ROBO2: variants seen among roughly 807,000 people sequenced by gnomAD.
The protein encoded by ROBO2 is roundabout homolog 2.
ROBO2 carries 53 observed loss-of-function variants against 160.8 expected under a neutral mutation model. The ratio of observed to expected loss-of-function variants is 0.33; its 90% CI spans 0.26 to 0.41. The LOEUF (loss-of-function observed/expected upper bound fraction) is 0.41. Ranked by LOEUF, ROBO2 falls within the 10% of genes least tolerant of loss-of-function variation. The probability of loss-of-function intolerance (pLI) is 1.00; values close to 1 mark genes in which losing one functional copy is unlikely to be tolerated. For missense variants in ROBO2, 1,577 were observed against 1,722.4 expected, an observed-to-expected ratio of 0.92 and a Z score of 1.49; for synonymous variants, 664 against 611.7, an observed-to-expected ratio of 1.09 and a Z score of -1.26.
intron 2 of ROBO2, among the ~76,000 whole-genome samples, chr3:76,603,587 T>A (rs2087409345): frequency 2.6e-5 from 4 of 151,938 alleles, no homozygotes; most frequent in Admixed American, 1.3e-4. Flanking sequence ...TTGAAGTTTT[T>A]TTTCCAAAAT....
At chr3:77,350,145 A>ATG (rs1284041410) in intron 2 of ROBO2, among the ~76,000 whole-genome samples, 1 of 151,666 alleles carries the variant, frequency 6.6e-6, no homozygotes, top group African/African-American at 2.4e-5. Flanking sequence ...GCAGTGGCTC[A>ATG]TGCCTGTAAT....
chr3:76,570,342 T>C, intron 2 of ROBO2, among the ~76,000 whole-genome samples: 1 of 152,168 alleles, frequency 6.6e-6, no homozygotes, highest in Non-Finnish European at 1.5e-5. Flanking sequence ...TGTGGCATAC[T>C]TAAAACAGAG....
chr3:76,141,943 C>T (rs918010285), intron 2 of ROBO2, among the ~76,000 whole-genome samples: 12 of 151,888 alleles, frequency 7.9e-5, no homozygotes, highest in Non-Finnish European at 1.5e-4. Context: ...CACTAATGCA[C>T]ATTAGTTAAA....
chr3:77,433,374 T>C (rs2078971082), intron 2 of ROBO2, among the ~76,000 whole-genome samples: 1 of 151,360 alleles, frequency 6.6e-6, no homozygotes, highest in South Asian at 2.1e-4. Context: ...TATTATTCTA[T>C]GTTATGCTGT....
intron 2 of ROBO2, among the ~76,000 whole-genome samples, chr3:76,243,215 G>T (rs995914421): frequency 6.6e-6 from 1 of 152,038 alleles, no homozygotes; most frequent in Non-Finnish European, 1.5e-5. Context: ...CCCATTACAT[G>T]TCACTTCTGA....
At chr3:76,785,965 A>C (rs538846956) in intron 2 of ROBO2, among the ~76,000 whole-genome samples, 155 of 151,446 alleles carry the variant, frequency 1.0e-3, no homozygotes, top group African/African-American at 3.4e-3. Context: ...AATGGGAAAG[A>C]CATCCAACTG....
At chr3:76,147,881 C>T (rs1225991581) in intron 2 of ROBO2, among the ~76,000 whole-genome samples, 1 of 152,016 alleles carries the variant, frequency 6.6e-6, no homozygotes, top group Non-Finnish European at 1.5e-5. Context: ...TCAGTAGTTT[C>T]ACTGGTATGT....
chr3:77,103,693 T>C (rs2072374653), intron 2 of ROBO2, among the ~76,000 whole-genome samples: 1 of 152,220 alleles, frequency 6.6e-6, no homozygotes, highest in Non-Finnish European at 1.5e-5. Context: ...AAGAAGGTCT[T>C]GCATTATTTA....
At chr3:75,970,148 G>A (rs995080767) in intron 2 of ROBO2, among the ~76,000 whole-genome samples, 1 of 151,218 alleles carries the variant, frequency 6.6e-6, no homozygotes, top group East Asian at 2.0e-4. Flanking sequence ...ACCCCTCTTT[G>A]CCCCAATTTT....
chr3:76,737,759 C>A (rs2093737307), intron 2 of ROBO2, among the ~76,000 whole-genome samples: 1 of 152,098 alleles, frequency 6.6e-6, no homozygotes, highest in African/African-American at 2.4e-5. Flanking sequence ...TCAGGTAAAC[C>A]CTCCTGTAAA....
At chr3:76,769,312 A>T (rs144596275) in intron 2 of ROBO2, among the ~76,000 whole-genome samples, 576 of 151,434 alleles carry the variant, frequency 3.8e-3, no homozygotes, top group Non-Finnish European at 6.0e-3. Flanking sequence ...GATTAAGTAG[A>T]TCTAGAGTGG....
At chr3:77,241,904 C>T (rs1164172285) in intron 2 of ROBO2, among the ~76,000 whole-genome samples, 3 of 152,148 alleles carry the variant, frequency 2.0e-5, no homozygotes, top group African/African-American at 7.2e-5. Flanking sequence ...AAGTCGGAAG[C>T]TTTGACCATT....
chr3:76,741,271 T>G (rs2093797627), intron 2 of ROBO2, among the ~76,000 whole-genome samples: 1 of 151,490 alleles, frequency 6.6e-6, no homozygotes, highest in African/African-American at 2.4e-5. Flanking sequence ...AAAAAGAAAT[T>G]AAAATAAATT....
chr3:77,289,613 G>T (rs1251664437), intron 2 of ROBO2, among the ~76,000 whole-genome samples: 6 of 151,696 alleles, frequency 4.0e-5, no homozygotes, highest in African/African-American at 1.5e-4. Flanking sequence ...AAAATTGACG[G>T]TTAAACGGGT....
At chr3:76,147,174 A>G (rs1217273553) in intron 2 of ROBO2, among the ~76,000 whole-genome samples, 1 of 151,878 alleles carries the variant, frequency 6.6e-6, no homozygotes, top group African/African-American at 2.4e-5. Flanking sequence ...AAATAATAAA[A>G]ATTGAGTAGA....
chr3:77,043,619 T>C (rs1210434965), intron 1 of ROBO2, among the ~76,000 whole-genome samples: 1 of 152,214 alleles, frequency 6.6e-6, no homozygotes, highest in African/African-American at 2.4e-5. Context: ...CTTTTCTGTA[T>C]GATCATATAG....
chr3:76,330,047 CTA>C (rs2073363733), intron 2 of ROBO2, among the ~76,000 whole-genome samples: 1 of 152,236 alleles, frequency 6.6e-6, no homozygotes, highest in African/African-American at 2.4e-5. Flanking sequence ...TTTACTGTAT[CTA>C]TGTGGGTTTT....
At chr3:77,243,909 C>A (rs1476858447) in intron 2 of ROBO2, among the ~76,000 whole-genome samples, 3 of 152,160 alleles carry the variant, frequency 2.0e-5, no homozygotes, top group Non-Finnish European at 4.4e-5. Context: ...ACCCTACACT[C>A]CAGCTCAAAG....
chr3:76,720,348 A>T (rs1317634051), intron 2 of ROBO2, among the ~76,000 whole-genome samples: 2 of 152,218 alleles, frequency 1.3e-5, no homozygotes, highest in African/African-American at 4.8e-5. Flanking sequence ...AGAACAGCCT[A>T]AATGGGCTGA....
Sources: allele counts gnomAD v4.1 joint callset (sites outside exome capture counted in the v4.1 genomes callset), GRCh38; gene constraint gnomAD v4.1.1; transcripts MANE v1.5; gene names NCBI Gene and HGNC (gene_info 2026-07-23, HGNC 2026-07-21).